The following MPP3 variants were observed in gnomAD, a reference collection of about 807,000 sequenced individuals.
MPP3 encodes the protein MAGUK p55 subfamily member 3.
Under a neutral mutation model 80.7 loss-of-function variants are expected in MPP3, and 48 were observed. That is an observed-to-expected ratio of 0.59 (90% CI 0.47 to 0.76). The LOEUF is 0.76. MPP3 is among the 30% of genes least tolerant of loss of function. The probability of loss-of-function intolerance (pLI) is 0.00; values close to 1 mark genes in which losing one functional copy is unlikely to be tolerated. For synonymous variants in MPP3, 311 were observed against 297.6 expected (o/e 1.04, Z -0.46); for missense variants, 620 against 763.0 (o/e 0.81, Z 2.21).
chr17:43,803,503 C>T (rs552240673), intron 19 of MPP3, among the ~76,000 whole-genome samples: 5 of 152,254 alleles, frequency 3.3e-5, no homozygotes, highest in East Asian at 1.9e-4. Context: ...CTGTGCTGTC[C>T]GTCACCCCCA....
chr17:43,812,075 T>C (rs544368244), intron 16 of MPP3, among the ~76,000 whole-genome samples: 13 of 152,366 alleles, frequency 8.5e-5, no homozygotes, highest in African/African-American at 2.6e-4. Flanking sequence ...AGACCGTCCC[T>C]ATATAGATCG....
At chr17:43,810,500 T>C (rs1007574774) in intron 18 of MPP3, among the ~76,000 whole-genome samples, 1 of 152,010 alleles carries the variant, frequency 6.6e-6, no homozygotes, top group Non-Finnish European at 1.5e-5. Flanking sequence ...CTCTGGCACA[T>C]TGCAATGGCC....
At chr17:43,817,482 TAGTATA>T (rs2045202764) in intron 12 of MPP3, among the ~76,000 whole-genome samples, 1 of 152,252 alleles carries the variant, frequency 6.6e-6, no homozygotes, top group African/African-American at 2.4e-5. Flanking sequence ...AGTAACTTCT[TAGTATA>T]AGTATGCCTC....
chr17:43,811,373 C>G, intron 16 of MPP3, 168 bp from the exon 17 acceptor site: 1 of 605,834 alleles, frequency 1.7e-6, no homozygotes. Context: ...TCCAGGCAGG[C>G]GTATCACTGA....
At chr17:43,825,131 C>G (rs2045636032) in intron 9 of MPP3, 1 of 152,354 alleles carries the variant, frequency 6.6e-6, no homozygotes, top group Non-Finnish European at 1.5e-5. Flanking sequence ...TTTCTGCCCC[C>G]AAAACCATCA....
intron 19 of MPP3, among the ~76,000 whole-genome samples, chr17:43,803,564 G>T (rs1420244600): frequency 1.3e-5 from 2 of 152,116 alleles, no homozygotes; most frequent in African/African-American, 4.8e-5. Context: ...TTAACTTGTG[G>T]TCAGCAAGGA....
chr17:43,816,526 GC>G, intron 13 of MPP3, 150 bp downstream of exon 13: 1 of 782,944 alleles, frequency 1.3e-6, no homozygotes, highest in Non-Finnish European at 2.1e-6. Context: ...TCAAGGAACA[GC>G]CCAGTCCAGC....
intron 16 of MPP3, 95 bp downstream of exon 16, chr17:43,813,916 C>A: frequency 9.3e-7 from 1 of 1,078,656 alleles, no homozygotes. Flanking sequence ...CCTTTAAACC[C>A]AAAGTAAGGA....
At chr17:43,827,334 T>C (rs559671136) in intron 8 of MPP3, among the ~76,000 whole-genome samples, 1,711 of 147,088 alleles carry the variant, frequency 0.012, 16 homozygotes, top group Middle Eastern at 0.014. Flanking sequence ...TTTTTCTTTT[T>C]TTTTTTTTTT....
intron 14 of MPP3, 140 bp from the exon 15 acceptor site, chr17:43,814,501 G>A: frequency 1.3e-6 from 1 of 753,066 alleles, no homozygotes; most frequent in South Asian, 2.1e-5. Flanking sequence ...CCTGCTACTG[G>A]AAGAGGTTGT....
intron 12 of MPP3, chr17:43,817,825 C>A: frequency 2.2e-6 from 1 of 461,366 alleles, no homozygotes; most frequent in Non-Finnish European, 3.9e-6. Flanking sequence ...GTTAACATAC[C>A]CCCCAGCATC....
chr17:43,815,139 C>G (rs1354770874), intron 14 of MPP3, among the ~76,000 whole-genome samples: 4 of 152,128 alleles, frequency 2.6e-5, no homozygotes, highest in African/African-American at 9.7e-5. Context: ...TCAAGACCAG[C>G]TGGGCAACAT....
At chr17:43,821,939 C>T (rs765341658) in intron 10 of MPP3, among the ~76,000 whole-genome samples, 2 of 152,158 alleles carry the variant, frequency 1.3e-5, no homozygotes, top group Non-Finnish European at 2.9e-5. Flanking sequence ...ACAGATGTTA[C>T]CAGGGTCCTA....
intron 19 of MPP3, among the ~76,000 whole-genome samples, chr17:43,807,193 G>A (rs1396447689): frequency 6.6e-6 from 1 of 151,204 alleles, no homozygotes; most frequent in African/African-American, 2.4e-5. Context: ...GGCTGGTCTC[G>A]AATTCCTGAC....
At chr17:43,806,226 T>C (rs1025262035) in intron 19 of MPP3, among the ~76,000 whole-genome samples, 1 of 152,306 alleles carries the variant, frequency 6.6e-6, no homozygotes, top group Non-Finnish European at 1.5e-5. Context: ...AGTACAGTGG[T>C]GCAATCTCAG....
chr17:43,811,425 C>T (rs186023901), intron 16 of MPP3: 41 of 545,298 alleles, frequency 7.5e-5, no homozygotes, highest in African/African-American at 7.2e-4. Context: ...GGAGGCTTTT[C>T]CTTTTGCAGC....
chr17:43,812,648 T>G (rs2044918484), intron 16 of MPP3, among the ~76,000 whole-genome samples: 1 of 152,222 alleles, frequency 6.6e-6, no homozygotes, highest in Admixed American at 6.5e-5. Flanking sequence ...AAGGCTTCCC[T>G]GACTCCCCCA....
Position 43,831,659 on chromosome 17 carries a change from G to A in MPP3, c.44C>T (p.Ala15Val). ...SEDSGLHETL[A>V]LLTSQLRPDS... is the part of the protein sequence containing the mutation. ...AGGTCTGAGCTGGGAGGTCAGCAGG[G>A]CCAGGGTTTCATGCAAACCTGGGGA... The change falls in exon 4 of 20, where the codon GCC (alanine) becomes GTC (valine). Residue 15 changes from alanine (A) to valine (V), a missense_variant. Coordinates refer to ENST00000398389, the MANE Select transcript of MPP3 (RefSeq NM_001932.6). The A allele has an allele frequency of 6.2e-7, 1 of 1,611,926 alleles. No individual in the cohort carries two copies. Among genetic ancestry groups the A allele is most frequent in the Non-Finnish European group, 8.5e-7 (1 of 1,178,612 alleles).
chr17:43,809,074 A>T lies in MPP3; in HGVS notation c.1463T>A (p.Leu488Gln). Residue 488 changes from leucine (L) to glutamine (Q), a missense_variant, in exon 19 of 20, where the codon CTG becomes CAG. Leu to Gln is a moderately radical substitution (Grantham distance 113). Transcript: ENST00000398389. ...AAATTCTGAGGTCCTCAGTTGTTTCAGTGCCTGAGAAAGAAAGTTCAGGAA... is the reference window on the plus strand; with the variant it reads ...AAATTCTGAGGTCCTCAGTTGTTTCTGTGCCTGAGAAAGAAAGTTCAGGAA... ...VCLVDVEPEA[L>Q]KQLRTSEFKP... The T allele has an allele frequency of 6.3e-7, 1 of 1,582,172 alleles. No individual in the cohort carries two copies. The highest frequency in any genetic ancestry group is 8.5e-7 in the Non-Finnish European group (1 of 1,172,138).
Sources: gnomAD v4.1 joint callset for allele counts (sites outside exome capture counted in the v4.1 genomes callset) on GRCh38, gnomAD v4.1.1 for gene constraint, MANE v1.5 for transcripts, NCBI Gene and HGNC (gene_info 2026-07-23, HGNC 2026-07-21) for gene names.